IVD: variants seen among roughly 807,000 people sequenced by gnomAD.
IVD encodes isovaleryl-CoA dehydrogenase, also known as isovaleryl-CoA dehydrogenase, mitochondrial.
A neutral mutation model predicts 51.3 loss-of-function variants in IVD; 31 were observed. The observed-to-expected ratio is 0.60, with a 90% confidence interval of 0.45 to 0.81. IVD has a LOEUF of 0.81. Ranked by LOEUF, IVD falls within the 40% of genes least tolerant of loss-of-function variation. The pLI is 0.00. For synonymous variants in IVD, 205 were observed against 219.4 expected (o/e 0.93, Z 0.58); for missense variants, 475 against 552.0 (o/e 0.86, Z 1.40).
Position 40,417,728 on chromosome 15 carries a change from A to G in IVD, c.1139-402A>G, listed in dbSNP as rs557398433. ...CCTGATATCAGAGTGCCTGTGTTCAAGTAACTCTTATTTTGCTCAGTGGCC... is the reference window on the plus strand; with the variant it reads ...CCTGATATCAGAGTGCCTGTGTTCAGGTAACTCTTATTTTGCTCAGTGGCC... On this transcript the variant is annotated intron_variant, in intron 11 of 11. Coordinates refer to ENST00000487418, the MANE Select transcript of IVD (RefSeq NM_002225.5). 8.5e-5 allele frequency among the ~76,000 whole-genome samples: 13 copies of G among 152,348 alleles called. No homozygotes were observed. The South Asian group carries it at 2.1e-3, about 24-fold the overall frequency.
intron 7 of IVD, among the ~76,000 whole-genome samples, chr15:40,430,557 G>A (rs1349183073): frequency 6.6e-6 from 1 of 152,228 alleles, no homozygotes; most frequent in African/African-American, 2.4e-5. Flanking sequence ...CTGGGGCAGA[G>A]TGGATGCGGG....
intron 3 of IVD, 69 bp from the exon 4 acceptor site, chr15:40,410,559 G>A: frequency 6.4e-7 from 1 of 1,572,854 alleles, no homozygotes; most frequent in Non-Finnish European, 8.7e-7. Flanking sequence ...TCAAATGTAA[G>A]ATTCTTAATG....
chr15:40,422,096 C>T (rs1242190498), downstream of IVD, among the ~76,000 whole-genome samples: 3 of 152,254 alleles, frequency 2.0e-5, no homozygotes, highest in Non-Finnish European at 2.9e-5. Context: ...ATGGAGCTCG[C>T]CTGACCCCTG....
chr15:40,406,734 C>T (rs369420659), intron 1 of IVD, among the ~76,000 whole-genome samples: 2 of 152,202 alleles, frequency 1.3e-5, no homozygotes, highest in East Asian at 1.9e-4. Flanking sequence ...GAGGTATGAG[C>T]CTCCCAGCAA....
chr15:40,408,945 G>A (rs904643919), intron 3 of IVD, among the ~76,000 whole-genome samples: 9 of 151,424 alleles, frequency 5.9e-5, no homozygotes, highest in African/African-American at 7.3e-5. Flanking sequence ...GCGAAACTCC[G>A]TTTCAAAAAA....
At position 40,414,931 on chromosome 15, in the gene IVD, T is replaced by C; in HGVS notation, c.827T>C (p.Leu276Pro). ...CATGAGAATAAGGGTGTCTACGTGCTGATGAGTGGGCTGGACCTGGAGCGG... is the reference window on the plus strand; with the variant it reads ...CATGAGAATAAGGGTGTCTACGTGCCGATGAGTGGGCTGGACCTGGAGCGG... Reference protein sequence around the residue: ...LGHENKGVYVLMSGLDLERLV... With the variant: ...LGHENKGVYVPMSGLDLERLV... Residue 276 changes from leucine (L) to proline (P), a missense_variant, in exon 8 of 12, where the codon CTG becomes CCG. By Grantham distance (98) the Leu-to-Pro change is moderately conservative. Transcript: ENST00000487418. 1 of 1,614,156 alleles carries C rather than the reference T, an allele frequency of 6.2e-7. No individual in the cohort carries two copies. The highest frequency in any genetic ancestry group is 8.5e-7 in the Non-Finnish European group (1 of 1,180,026).
At chr15:40,432,444 G>A (rs1342429024) in intron 7 of IVD, among the ~76,000 whole-genome samples, 2 of 152,260 alleles carry the variant, frequency 1.3e-5, no homozygotes, top group Non-Finnish European at 2.9e-5. Flanking sequence ...CAGAGCACAG[G>A]TGGCACCATG....
At chr15:40,409,386 G>A (rs913355209) in intron 3 of IVD, among the ~76,000 whole-genome samples, 5 of 151,556 alleles carry the variant, frequency 3.3e-5, no homozygotes, top group Non-Finnish European at 1.5e-5. Flanking sequence ...GGATAAGAGA[G>A]TGAGAGCCCG....
Position 40,416,029 on chromosome 15 carries a change from C to T in IVD, c.961-49C>T, listed in dbSNP as rs527261113. The T allele has an allele frequency of 9.6e-6, 15 of 1,570,116 alleles. No individual in the cohort carries two copies. The East Asian group carries it at 3.1e-4, about 33-fold the overall frequency. Reference sequence around the variant, plus strand: ...GCCATTGCTGACCTGCTTTTGGTAACTGAGAGAGTGTTCCAGCATGTTGAC... The same window carrying T: ...GCCATTGCTGACCTGCTTTTGGTAATTGAGAGAGTGTTCCAGCATGTTGAC... On this transcript the variant is annotated intron_variant, in intron 9 of 11. Coordinates refer to ENST00000487418, the MANE Select transcript of IVD (RefSeq NM_002225.5).
At chr15:40,406,020 G>A (rs769380776) in intron 1 of IVD, 49 bp downstream of exon 1, 37 of 1,235,606 alleles carry the variant, frequency 3.0e-5, no homozygotes, top group Non-Finnish European at 3.5e-5. Flanking sequence ...TTCCTGCCTG[G>A]TCCCCAAGGC....
intron 8 of IVD, among the ~76,000 whole-genome samples, chr15:40,435,062 T>C (rs1385339808): frequency 1.3e-5 from 2 of 152,228 alleles, no homozygotes; most frequent in Non-Finnish European, 2.9e-5. Context: ...ATTTGTGAAA[T>C]GGCGATAGTA....
Position 40,415,477 on chromosome 15 carries a change from T to A in IVD, c.955T>A (p.Phe319Ile). The change falls in exon 9 of 12, where the codon TTC (phenylalanine) becomes ATC (isoleucine). Residue 319 changes from phenylalanine (F) to isoleucine (I), a missense_variant. Physicochemically the swap from Phe to Ile is conservative, Grantham distance 21. Transcript: ENST00000487418. ...REAFGQKIGH[F>I]QLMQGKMADM... ...AGCCTTTGGCCAGAAGATCGGCCAC[T>A]TCCAGGTGAGCCGAGTGCTTTTGCT... The A allele has an allele frequency of 1.2e-6, 2 of 1,613,830 alleles. No homozygotes were observed. Among genetic ancestry groups the A allele is most frequent in the Non-Finnish European group, 1.7e-6 (2 of 1,179,764 alleles).
At chr15:40,427,340 C>T (rs546315527), downstream of IVD, among the ~76,000 whole-genome samples, 6 of 152,372 alleles carry the variant, frequency 3.9e-5, no homozygotes, top group East Asian at 1.2e-3. Flanking sequence ...TCTGCACACA[C>T]TTTCAGAGAG....
At chr15:40,415,307 C>A in intron 8 of IVD, 94 bp from the exon 9 acceptor site, 1 of 1,123,414 alleles carries the variant, frequency 8.9e-7, no homozygotes, top group Non-Finnish European at 1.3e-6. Context: ...CTTTTCTCCT[C>A]CCTGGGATTC....
chr15:40,426,416 T>C (rs1892677305), downstream of IVD, among the ~76,000 whole-genome samples: 1 of 151,678 alleles, frequency 6.6e-6, no homozygotes, highest in African/African-American at 2.4e-5. Context: ...TGGATGCCTG[T>C]AATCCCAGCT....
intron 8 of IVD, among the ~76,000 whole-genome samples, chr15:40,434,850 C>T (rs777234484): frequency 2.2e-4 from 34 of 152,214 alleles, no homozygotes; most frequent in Admixed American, 4.6e-4. Flanking sequence ...AGGGCTATAG[C>T]ATGAGGCTTC....
chr15:40,405,859 G>T lies in IVD; in HGVS notation c.32G>T (p.Arg11Leu), dbSNP rs1890339974. MATATRLLGW[R>L]VASWRLRPPL... The stretch of plus-strand genomic sequence containing the variant: ...ACTGCGACTCGGCTGCTGGGGTGGC[G>T]TGTGGCGAGCTGGAGGCTGCGGCCG... The change falls in exon 1 of 12, where the codon CGT (arginine) becomes CTT (leucine). Residue 11 changes from arginine (R) to leucine (L), a missense_variant. Physicochemically the swap from Arg to Leu is moderately radical, Grantham distance 102 (BLOSUM62 -2). Transcript: ENST00000487418. 1 of 1,613,066 alleles carries T rather than the reference G, an allele frequency of 6.2e-7. No individual in the cohort carries two copies. Among genetic ancestry groups the T allele is most frequent in the Non-Finnish European group, 8.5e-7 (1 of 1,179,546 alleles).
downstream of IVD, among the ~76,000 whole-genome samples, chr15:40,422,076 C>G (rs1429552682): frequency 6.6e-6 from 1 of 152,220 alleles, no homozygotes; most frequent in Non-Finnish European, 1.5e-5. Context: ...AGACGCAGCT[C>G]GAGTGTCGCA....
chr15:40,425,964 C>CT (rs200928278), downstream of IVD, among the ~76,000 whole-genome samples: 15,347 of 117,262 alleles, frequency 0.13, 916 homozygotes, highest in South Asian at 0.16. Context: ...CCCAGTCCGG[C>CT]TATTTTTTTT....
Sources: allele counts gnomAD v4.1 joint callset (sites outside exome capture counted in the v4.1 genomes callset), GRCh38; gene constraint gnomAD v4.1.1; transcripts MANE v1.5; gene names NCBI Gene and HGNC (gene_info 2026-07-23, HGNC 2026-07-21).